Variants in PCNX3 observed in about 807,000 individuals in gnomAD.
PCNX3 encodes the protein pecanex 3.
In PCNX3, 58 loss-of-function variants were observed where a neutral mutation model predicts 207.2. The ratio of observed to expected loss-of-function variants is 0.28; its 90% confidence interval spans 0.23 to 0.35. PCNX3 has a LOEUF of 0.35. Among genes scored for constraint, PCNX3 ranks in the 10% least tolerant of loss-of-function variants. PCNX3 has a pLI of 1.00. For synonymous variants in PCNX3, 1,337 were observed against 1,183.5 expected (o/e 1.13, Z -2.66); for missense variants, 2,410 against 2,774.4 (o/e 0.87, Z 2.95).
Position 65,626,899 on chromosome 11 carries a change from C to T in PCNX3, c.3380-5C>T. On this transcript the variant is annotated splice_region_variant and splice_polypyrimidine_tract_variant and intron_variant, in intron 20 of 34. Coordinates refer to ENST00000355703, the MANE Select transcript of PCNX3 (RefSeq NM_032223.4). ...CAGGTGCAGAGTCCTGGCCTCTCCA[C>T]ACAGGTGCCGCCCAGGTGATGTGGT... The T allele has an allele frequency of 7.6e-6, 12 of 1,583,024 alleles. No individual in the cohort carries two copies. The highest frequency in any genetic ancestry group is 1.0e-5 in the Non-Finnish European group (12 of 1,164,662).
chr11:65,616,478 G>A lies in PCNX3; in HGVS notation c.153+14G>A, dbSNP rs1225545743. The A allele has an allele frequency of 3.1e-6, 5 of 1,596,560 alleles. No homozygotes were observed. The highest frequency in any genetic ancestry group is 4.3e-6 in the Non-Finnish European group (5 of 1,174,458). On this transcript the variant is annotated intron_variant, in intron 1 of 34. Transcript: ENST00000355703. Reference sequence around the variant, plus strand: ...TTACTGTACATGGTGAGACGCCACGGCCACCTGTAACTCCAGCCGGGAGAG... The same window carrying A: ...TTACTGTACATGGTGAGACGCCACGACCACCTGTAACTCCAGCCGGGAGAG...
chr11:65,628,577 C>T lies in PCNX3; in HGVS notation c.3703-18C>T. 4 of 1,610,722 alleles carry T rather than the reference C, an allele frequency of 2.5e-6. No individual in the cohort carries two copies. The highest frequency in any genetic ancestry group is 3.4e-6 in the Non-Finnish European group (4 of 1,178,556). ...TGACCCTGCATGTCTTTTTTCTTCT[C>T]CCTGTTGGCCCTGCCAGCTGTGGGA... On this transcript the variant is annotated intron_variant, in intron 22 of 34. Transcript: ENST00000355703.
At position 65,619,793 on chromosome 11, in the gene PCNX3, C is replaced by T. The variant is rs199865661; in HGVS notation, c.1869C>T (p.His623=). Residue 623 remains histidine (H), a synonymous_variant, in exon 8 of 35, where the codon CAC becomes CAT. Transcript: ENST00000355703. ...CTCAGCGGGGCCGGGCTGCCTCCCA[C>T]TCCCGGGCGCTGACGCTGCCCTCTG... ...QEAQRGRAAS[H]SRALTLPSAL... is the part of the protein sequence containing the mutation. 8 of 1,587,360 alleles carry T rather than the reference C, an allele frequency of 5.0e-6. No homozygotes were observed. The highest frequency in any genetic ancestry group is 1.7e-5 in the Admixed American group (1 of 57,888).
rs1412142060 is a variant in PCNX3, at chr11:65,616,854, G to A, written c.184G>A (p.Val62Met). Residue 62 changes from valine (V) to methionine (M), a missense_variant, in exon 2 of 35, where the codon GTG becomes ATG. Val to Met is a conservative substitution (Grantham distance 21). Coordinates refer to ENST00000355703, the MANE Select transcript of PCNX3 (RefSeq NM_032223.4). ...GCCTCCCAGCTTGATGGTGGCCGGCGTGTACTGCCTCGTGGTGGCTGTCAT... is the reference window on the plus strand; with the variant it reads ...GCCTCCCAGCTTGATGGTGGCCGGCATGTACTGCCTCGTGGTGGCTGTCAT... ...VLPPSLMVAG[V>M]YCLVVAVIFA... 3.7e-6 allele frequency: 6 copies of A among 1,613,364 alleles called. No homozygotes were observed. Among genetic ancestry groups the A allele is most frequent in the Non-Finnish European group, 5.1e-6 (6 of 1,179,704 alleles).
In PCNX3 at chr11:65,627,072, G is replaced by A. The variant is rs1296049057; in HGVS notation, c.3524+24G>A. ...TAGTGAGGACCACCCCACCCTCAAC[G>A]ATCCCATCATCCGCTTTCCCTTTTG... is the stretch of plus-strand genomic sequence containing the variant. On this transcript the variant is annotated intron_variant, in intron 21 of 34. Coordinates refer to ENST00000355703, the MANE Select transcript of PCNX3 (RefSeq NM_032223.4). The A allele has an allele frequency of 1.8e-5, 27 of 1,470,312 alleles. No homozygotes were observed. The Middle Eastern group carries it at 5.4e-4, about 29-fold the overall frequency. 91.1% of individuals were successfully genotyped at this position (1,470,312 alleles called of 1,614,324 possible).
chr11:65,624,060 A>G (rs924988249), intron 13 of PCNX3, 99 bp downstream of exon 13: 4 of 1,573,964 alleles, frequency 2.5e-6, no homozygotes, highest in Non-Finnish European at 3.5e-6. Flanking sequence ...GGGCTCCCTC[A>G]CCACCCCCAT....
chr11:65,621,767 CAT>C (rs1343722967), intron 10 of PCNX3, among the ~76,000 whole-genome samples: 2 of 152,252 alleles, frequency 1.3e-5, no homozygotes, highest in Admixed American at 6.5e-5. Flanking sequence ...GAGGTCAAGT[CAT>C]GTGCCCAGGG....
chr11:65,617,552 C>T, intron 4 of PCNX3, 43 bp downstream of exon 4: 1 of 1,613,862 alleles, frequency 6.2e-7, no homozygotes, highest in Admixed American at 1.7e-5. Context: ...TGCTGTGGAA[C>T]AGGGGCTGGC....
chr11:65,632,327 G>A (rs374355503), intron 27 of PCNX3, among the ~76,000 whole-genome samples: 10 of 151,580 alleles, frequency 6.6e-5, no homozygotes, highest in African/African-American at 2.4e-4. Flanking sequence ...GGAGGCGGGT[G>A]TGCTGGGGAG....
rs1855309317 is a variant in PCNX3 at position 65,625,034 on chromosome 11, G to T, written c.2919+18G>T. On this transcript the variant is annotated intron_variant, in intron 16 of 34. Transcript: ENST00000355703. This position sits in a 1 kb window ranked among gnomAD's most constrained non-coding sequence, Gnocchi z 5.6. The stretch of plus-strand genomic sequence containing the variant: ...CCATCAAGGTAGGGGTGGCTTGCGA[G>T]GTGGGGGCATGCTGCAGTGCGTAAG... 6.2e-7 allele frequency: 1 copy of T among 1,606,832 alleles called. No individual in the cohort carries two copies. The highest frequency in any genetic ancestry group is 8.5e-7 in the Non-Finnish European group (1 of 1,175,502).
In PCNX3 at chr11:65,624,240, A is replaced by G. The variant is rs1467006102; in HGVS notation, c.2590A>G (p.Ile864Val). 1.7e-5 allele frequency: 27 copies of G among 1,607,932 alleles called. No individual in the cohort carries two copies. Among genetic ancestry groups the G allele is most frequent in the Non-Finnish European group, 2.2e-5 (26 of 1,177,488 alleles). The change falls in exon 14 of 35, where the codon ATC becomes GTC. Residue 864 changes from isoleucine to valine, a missense_variant. Coordinates refer to ENST00000355703, the MANE Select transcript of PCNX3 (RefSeq NM_032223.4). ...IAYSRPVYFC[I>V]CCLLIWLLDA... ...GTACAGCCGTCCTGTCTACTTCTGCATCTGCTGTCTGCTCATCTGGCTGCT... is the reference window on the plus strand; with the variant it reads ...GTACAGCCGTCCTGTCTACTTCTGCGTCTGCTGTCTGCTCATCTGGCTGCT...
chr11:65,617,862 G>A, intron 5 of PCNX3, 78 bp from the exon 6 acceptor site: 1 of 1,471,434 alleles, frequency 6.8e-7, no homozygotes, highest in Non-Finnish European at 9.1e-7. Context: ...AAAGTACAGG[G>A]CATAAGACCT....
intron 1 of PCNX3, 54 bp from the exon 2 acceptor site, chr11:65,616,770 A>G (rs1854754083): frequency 6.4e-7 from 1 of 1,563,812 alleles, no homozygotes; most frequent in East Asian, 2.3e-5. Context: ...TGGCAGGTAC[A>G]TCCTGTGGGG....
At position 65,626,896 on chromosome 11, in the gene PCNX3, C is replaced by T. The variant is rs1855420859; in HGVS notation, c.3380-8C>T. 6.3e-7 allele frequency: 1 copy of T among 1,581,586 alleles called. No individual in the cohort carries two copies. The highest frequency in any genetic ancestry group is 8.6e-7 in the Non-Finnish European group (1 of 1,163,972). ...AGCCAGGTGCAGAGTCCTGGCCTCT[C>T]CACACAGGTGCCGCCCAGGTGATGT... On this transcript the variant is annotated splice_region_variant and splice_polypyrimidine_tract_variant and intron_variant, in intron 20 of 34. Coordinates refer to ENST00000355703, the MANE Select transcript of PCNX3 (RefSeq NM_032223.4).
Position 65,616,197 on chromosome 11 carries a change from A to T in PCNX3, c.-115A>T, listed in dbSNP as rs1329812429. ...CCCCCCTCCCCCGCTGGGGGAGGCCATGGCGTGAGCGTGAGGCCGGGCCCC... is the reference window on the plus strand; with the variant it reads ...CCCCCCTCCCCCGCTGGGGGAGGCCTTGGCGTGAGCGTGAGGCCGGGCCCC... On this transcript the variant is annotated 5_prime_UTR_variant, in exon 1 of 35. An upstream start codon of the reference 5' UTR is lost. Transcript: ENST00000355703. 7 of 792,374 alleles carry T rather than the reference A, an allele frequency of 8.8e-6. No homozygotes were observed. Among genetic ancestry groups the T allele is most frequent in the Non-Finnish European group, 1.8e-6 (1 of 561,842 alleles). 49.1% of individuals were successfully genotyped at this position (792,374 alleles called of 1,614,324 possible). A position where few individuals can be genotyped will look rare whatever the true frequency, so the allele number is the denominator to read the frequency against.
intron 6 of PCNX3, 82 bp downstream of exon 6, chr11:65,619,149 C>T: frequency 8.7e-7 from 1 of 1,146,926 alleles, no homozygotes; most frequent in Non-Finnish European, 1.2e-6. Context: ...AAGAATGGAC[C>T]TGGTCAGTGT....
intron 21 of PCNX3, 120 bp downstream of exon 21, chr11:65,627,168 AC>A: frequency 7.4e-7 from 1 of 1,350,938 alleles, no homozygotes; most frequent in Non-Finnish European, 9.8e-7. Flanking sequence ...CTAAAGCAGG[AC>A]CCCAGCTCCT....
rs750346172 is a variant in PCNX3 at position 65,617,233 on chromosome 11, C to G, written c.342-17C>G. 9.4e-6 allele frequency: 15 copies of G among 1,587,854 alleles called. No individual in the cohort carries two copies. In the East Asian group the frequency reaches 3.4e-4, roughly 36 times the overall value. On this transcript the variant is annotated splice_polypyrimidine_tract_variant and intron_variant, in intron 2 of 34. Transcript: ENST00000355703. The stretch of plus-strand genomic sequence containing the variant: ...AGGAGAGGTTAGCTCAAAGCTGCTG[C>G]TCTTTTTCACCGCCAGGGACCCCGG...
At position 65,620,186 on chromosome 11, in the gene PCNX3, C is replaced by T. The variant is rs924453178; in HGVS notation, c.2009-153C>T. On this transcript the variant is annotated intron_variant, in intron 8 of 34. Transcript: ENST00000355703. ...GTGACTGCCGCGCCCAGGCTCTTGA[C>T]CTGTAGGCCCTTTCCTCTCCAGAGG... Among the ~76,000 whole-genome samples the T allele has an allele frequency of 5.3e-5, 8 of 152,320 alleles. No homozygotes were observed. In the East Asian group the frequency reaches 9.6e-4, roughly 18 times the overall value.
Sources: allele counts gnomAD v4.1 joint callset (sites outside exome capture counted in the v4.1 genomes callset), GRCh38; gene constraint gnomAD v4.1.1; non-coding constraint Gnocchi (gnomAD v3.1); transcripts MANE v1.5; gene names NCBI Gene and HGNC (gene_info 2026-07-23, HGNC 2026-07-21).